CC2D2A: variants seen among roughly 807,000 people sequenced by gnomAD.
CC2D2A encodes coiled-coil and C2 domain-containing protein 2A.
In CC2D2A, 155 loss-of-function variants were observed where a neutral mutation model predicts 212.9. The ratio of observed to expected loss-of-function variants is 0.73; its 90% CI spans 0.64 to 0.83. The LOEUF is 0.83. CC2D2A is among the 40% of genes least tolerant of loss of function. The probability of loss-of-function intolerance (pLI) is 0.00; values close to 1 mark genes in which losing one functional copy is unlikely to be tolerated. For missense variants in CC2D2A, 1,856 were observed against 1,956.2 expected, an observed-to-expected ratio of 0.95 and a Z score of 0.97; for synonymous variants, 667 against 686.5, an observed-to-expected ratio of 0.97 and a Z score of 0.44.
At chr4:15,535,162 CA>C (rs1287565414) in intron 14 of CC2D2A, among the ~76,000 whole-genome samples, 1 of 152,168 alleles carries the variant, frequency 6.6e-6, no homozygotes, top group Non-Finnish European at 1.5e-5. Flanking sequence ...TGCTACCCCA[CA>C]AAAATAATGG....
intron 28 of CC2D2A, 29 bp downstream of exon 28, chr4:15,570,525 G>A (rs768581478): frequency 2.8e-6 from 4 of 1,445,304 alleles, no homozygotes; most frequent in African/African-American, 2.8e-5. Flanking sequence ...AGGTCCATGA[G>A]AGCAGGGAAT....
chr4:15,576,719 T>C (rs138261143), intron 29 of CC2D2A: 1 of 152,818 alleles, frequency 6.5e-6, no homozygotes, highest in East Asian at 1.9e-4. Flanking sequence ...ACAGGTGTTA[T>C]GTCCTAACGT....
At chr4:15,566,214 G>T (rs1291135763) in intron 24 of CC2D2A, among the ~76,000 whole-genome samples, 1 of 152,244 alleles carries the variant, frequency 6.6e-6, no homozygotes, top group African/African-American at 2.4e-5. Context: ...GAAGGGAGAA[G>T]AGGATAAGAC....
chr4:15,500,101 G>GTATATATATA (rs1222191394), intron 4 of CC2D2A, among the ~76,000 whole-genome samples: 115 of 71,006 alleles, frequency 1.6e-3, no homozygotes, highest in Middle Eastern at 7.7e-3. Flanking sequence ...GTGTGTGTGT[G>GTATATATATA]TGTGTGTATA....
intron 24 of CC2D2A, 76 bp downstream of exon 24, chr4:15,563,598 C>A: frequency 6.9e-7 from 1 of 1,450,838 alleles, no homozygotes; most frequent in South Asian, 1.2e-5. Flanking sequence ...ACAGCATACT[C>A]ACTCTCATTC....
chr4:15,599,642 G>T lies in CC2D2A; in HGVS notation c.4610G>T (p.Ser1537Ile). ...CACTTCTTGCCTCTGTTAGAAAAAA[G>T]TCAAGGAGAAGATGTAGAAGATGAC... is the stretch of plus-strand genomic sequence containing the variant. ...LRHFLPLLEKSQGEDVEDDHR... is the reference protein window; with the variant it reads ...LRHFLPLLEKIQGEDVEDDHR... Residue 1537 changes from serine to isoleucine, a missense_variant, in exon 36 of 37, where the codon AGT becomes ATT. Coordinates refer to ENST00000424120, the MANE Select transcript of CC2D2A (RefSeq NM_001378615.1). 6.2e-7 allele frequency: 1 copy of T among 1,613,634 alleles called. No homozygotes were observed. Among genetic ancestry groups the T allele is most frequent in the Non-Finnish European group, 8.5e-7 (1 of 1,179,600 alleles).
At chr4:15,541,962 C>A (rs1462198708) in intron 17 of CC2D2A, among the ~76,000 whole-genome samples, 1 of 152,112 alleles carries the variant, frequency 6.6e-6, no homozygotes, top group Non-Finnish European at 1.5e-5. Context: ...AGAGGAGTAT[C>A]TTTCCCTGCC....
At chr4:15,544,159 T>G (rs890909629) in intron 17 of CC2D2A, among the ~76,000 whole-genome samples, 4 of 152,182 alleles carry the variant, frequency 2.6e-5, no homozygotes, top group African/African-American at 4.8e-5. Context: ...TAAGACTTAC[T>G]GCACACAAAA....
At chr4:15,479,320 C>T in intron 3 of CC2D2A, 1 of 1,536,678 alleles carries the variant, frequency 6.5e-7, no homozygotes, top group African/African-American at 1.4e-5. Flanking sequence ...CAGGGTAAAT[C>T]TTTTCAAGGT....
chr4:15,483,722 G>A (rs1037007215), intron 4 of CC2D2A, among the ~76,000 whole-genome samples: 5 of 152,128 alleles, frequency 3.3e-5, no homozygotes, highest in African/African-American at 1.2e-4. Flanking sequence ...GGCTCCTTCC[G>A]GTTGTATTTT....
rs1193965268 is a variant in CC2D2A at position 15,538,034 on chromosome 4, G to A, written c.1900G>A (p.Val634Met). 1 of 1,608,448 alleles carries A rather than the reference G, an allele frequency of 6.2e-7. No homozygotes were observed. The highest frequency in any genetic ancestry group is 1.1e-5 in the South Asian group (1 of 89,516). The part of the protein sequence containing the change: ...PTDRAVIEQE[V>M]RERAAQSRRR... ...TGATCGGGCAGTGATAGAGCAGGAG[G>A]TGAGGGAGAGAGCAGCCCAGAGCAG... is the stretch of plus-strand genomic sequence containing the variant. Residue 634 changes from valine (V) to methionine (M), a missense_variant, in exon 16 of 37, where the codon GTG (valine) becomes ATG (methionine). Coordinates refer to ENST00000424120, the MANE Select transcript of CC2D2A (RefSeq NM_001378615.1).
intron 29 of CC2D2A, 43 bp from the exon 30 acceptor site, chr4:15,579,925 C>A: frequency 6.7e-7 from 1 of 1,502,586 alleles, no homozygotes; most frequent in Non-Finnish European, 9.3e-7. Context: ...TACTTTCTCT[C>A]TTGTAATCAT....
intron 32 of CC2D2A, among the ~76,000 whole-genome samples, chr4:15,588,637 T>C (rs567183062): frequency 2.1e-4 from 32 of 152,298 alleles, no homozygotes; most frequent in African/African-American, 7.0e-4. Flanking sequence ...TAGTATCATA[T>C]TCATATTCAA....
At chr4:15,577,826 G>A (rs1720478394) in intron 29 of CC2D2A, among the ~76,000 whole-genome samples, 1 of 152,028 alleles carries the variant, frequency 6.6e-6, no homozygotes, top group Non-Finnish European at 1.5e-5. Context: ...AGCACTGTAG[G>A]TCTCAAGTCC....
At chr4:15,478,277 G>A (rs1279839418) in intron 2 of CC2D2A, among the ~76,000 whole-genome samples, 1 of 152,194 alleles carries the variant, frequency 6.6e-6, no homozygotes, top group Admixed American at 6.5e-5. Flanking sequence ...TTTCCTGCTG[G>A]TAAGGCTGGA....
Position 15,478,910 on chromosome 4 carries a change from G to A in CC2D2A, c.123+104G>A, listed in dbSNP as rs956925810. On this transcript the variant is annotated intron_variant, in intron 3 of 36. Coordinates refer to ENST00000424120, the MANE Select transcript of CC2D2A (RefSeq NM_001378615.1). ...CCACAAGGGCAGCCTTCCTTCTTTT[G>A]GTACCAACTTTTGGCCTGCTCTGGG... 5.9e-6 allele frequency: 6 copies of A among 1,013,662 alleles called. No individual in the cohort carries two copies. In the African/African-American group the frequency reaches 8.0e-5, roughly 14 times the overall value. The allele number at this position is 1,013,662 out of a possible 1,614,324, so 62.8% of individuals were successfully genotyped here. A position where few individuals can be genotyped will look rare whatever the true frequency, so the allele number is the denominator to read the frequency against.
chr4:15,503,017 G>T, intron 6 of CC2D2A, 94 bp downstream of exon 6: 1 of 891,280 alleles, frequency 1.1e-6, no homozygotes, highest in South Asian at 1.7e-5. Context: ...ATGCACAGAG[G>T]AGGTATTAAA....
At chr4:15,536,581 C>T (rs1222711619) in intron 14 of CC2D2A, among the ~76,000 whole-genome samples, 1 of 152,142 alleles carries the variant, frequency 6.6e-6, no homozygotes, top group Non-Finnish European at 1.5e-5. Context: ...CCACCACTAT[C>T]AGCTGAGAAC....
chr4:15,498,642 G>C (rs1715749637), intron 4 of CC2D2A, among the ~76,000 whole-genome samples: 1 of 151,774 alleles, frequency 6.6e-6, no homozygotes, highest in East Asian at 1.9e-4. Flanking sequence ...ATTTCCAGCT[G>C]TTTAAAGAAA....
Sources: gnomAD v4.1 joint callset for allele counts (sites outside exome capture counted in the v4.1 genomes callset) on GRCh38, gnomAD v4.1.1 for gene constraint, MANE v1.5 for transcripts, NCBI Gene and HGNC (gene_info 2026-07-23, HGNC 2026-07-21) for gene names.